Variants in NRG4 observed in about 807,000 individuals in gnomAD.
The protein encoded by NRG4 is neuregulin 4.
A neutral mutation model predicts 15.0 loss-of-function variants in NRG4; 10 were observed. That is an observed-to-expected ratio of 0.67 (90% CI 0.41 to 1.13). The LOEUF (loss-of-function observed/expected upper bound fraction) is 1.13, where lower values mean the gene tolerates loss of function less well. Ranked by LOEUF, NRG4 falls within the 50% of genes most tolerant of loss-of-function variation. NRG4 has a pLI of 0.00. For missense variants in NRG4, 139 were observed against 140.2 expected, an observed-to-expected ratio of 0.99 and a Z score of 0.04; for synonymous variants, 41 against 50.1, an observed-to-expected ratio of 0.82 and a Z score of 0.77.
downstream of NRG4, chr15:75,940,456 T>G (rs2030831869): frequency 6.7e-6 from 1 of 149,730 alleles, no homozygotes; most frequent in Admixed American, 6.6e-5. Context: ...TCCTAGGATT[T>G]TTTTTTTTTT....
chr15:75,969,770 C>T (rs2033008581), intron 3 of NRG4, among the ~76,000 whole-genome samples: 1 of 152,106 alleles, frequency 6.6e-6, no homozygotes, highest in Non-Finnish European at 1.5e-5. Flanking sequence ...GCTGAGAACA[C>T]TAATGAAGAA....
At chr15:76,044,160 G>T (rs2035811032) in intron 4 of NRG4, among the ~76,000 whole-genome samples, 1 of 149,134 alleles carries the variant, frequency 6.7e-6, no homozygotes, top group Admixed American at 6.6e-5. Flanking sequence ...ACCGCGCCCG[G>T]CTAATTTTTT....
At chr15:76,045,864 T>C (rs2035857829) in intron 4 of NRG4, among the ~76,000 whole-genome samples, 1 of 150,958 alleles carries the variant, frequency 6.6e-6, no homozygotes, top group Non-Finnish European at 1.5e-5. Context: ...AGACCTAGTA[T>C]TTGCTAGCAC....
chr15:76,033,080 A>C (rs1366004587), intron 5 of NRG4, among the ~76,000 whole-genome samples: 1 of 152,238 alleles, frequency 6.6e-6, no homozygotes, highest in Non-Finnish European at 1.5e-5. Flanking sequence ...AATTATATTA[A>C]AGTGCAAGTC....
At chr15:75,991,538 G>A (rs2034017645) in intron 3 of NRG4, among the ~76,000 whole-genome samples, 1 of 151,906 alleles carries the variant, frequency 6.6e-6, no homozygotes, top group Admixed American at 6.6e-5. Flanking sequence ...TTAATGGAAT[G>A]TATACAGTTT....
chr15:75,989,514 A>T (rs1318176731), intron 3 of NRG4, among the ~76,000 whole-genome samples: 1 of 152,134 alleles, frequency 6.6e-6, no homozygotes, highest in Non-Finnish European at 1.5e-5. Context: ...TAGTCTGAAA[A>T]AAAAAAATCT....
At chr15:75,986,732 C>T (rs1039018653) in intron 3 of NRG4, among the ~76,000 whole-genome samples, 11 of 152,040 alleles carry the variant, frequency 7.2e-5, no homozygotes, top group African/African-American at 2.7e-4. Context: ...TGAATATTAT[C>T]ATTTTTTGGT....
chr15:75,992,975 C>G (rs2034076277), intron 3 of NRG4, among the ~76,000 whole-genome samples: 1 of 151,196 alleles, frequency 6.6e-6, no homozygotes, highest in African/African-American at 2.4e-5. Flanking sequence ...TGTCTTCATC[C>G]TTGAAGGATA....
intron 3 of NRG4, among the ~76,000 whole-genome samples, chr15:75,983,089 T>C (rs2033663762): frequency 6.6e-6 from 1 of 151,994 alleles, no homozygotes; most frequent in Non-Finnish European, 1.5e-5. Context: ...TCACCAAGTA[T>C]ACAAAGAACC....
At chr15:76,049,019 G>A (rs1567128412) in intron 4 of NRG4, among the ~76,000 whole-genome samples, 1 of 150,442 alleles carries the variant, frequency 6.6e-6, no homozygotes, top group Non-Finnish European at 1.5e-5. Context: ...ACTCCAGCCT[G>A]GGGGATAGAG....
At chr15:76,036,682 C>A (rs764298965) in intron 4 of NRG4, among the ~76,000 whole-genome samples, 2 of 152,132 alleles carry the variant, frequency 1.3e-5, no homozygotes, top group Non-Finnish European at 2.9e-5. Flanking sequence ...TTAATTTATA[C>A]ATGTAAAATG....
intron 5 of NRG4, among the ~76,000 whole-genome samples, chr15:76,019,408 G>A (rs553238638): frequency 5.9e-5 from 9 of 152,246 alleles, no homozygotes; most frequent in African/African-American, 2.2e-4. Flanking sequence ...CTAGCTCGGT[G>A]TCTGCCCAAA....
intron 3 of NRG4, among the ~76,000 whole-genome samples, chr15:76,052,638 T>C (rs974562410): frequency 6.6e-6 from 1 of 151,144 alleles, no homozygotes; most frequent in Non-Finnish European, 1.5e-5. Flanking sequence ...AAGGTGGTAG[T>C]CTTTGTGGGA....
intron 5 of NRG4, among the ~76,000 whole-genome samples, chr15:75,951,645 G>A (rs1595946218): frequency 6.6e-6 from 1 of 152,048 alleles, no homozygotes; most frequent in East Asian, 1.9e-4. Flanking sequence ...ATACACTTTT[G>A]ACTTATTACA....
At chr15:76,012,156 A>T (rs943543534) in intron 1 of NRG4, 163 bp downstream of exon 1, 1 of 152,000 alleles carries the variant, frequency 6.6e-6, no homozygotes, top group African/African-American at 2.4e-5. Context: ...TCTTTCTTAG[A>T]CAAGCAGAGA....
chr15:75,994,985 T>C lies in NRG4; in HGVS notation c.104+14215A>G, dbSNP rs190406791. ...GCCCAGTCTTGACAACATAGGAAGT[T>C]CAAGTCCAGTCTGGACAACATAGGA... On this transcript the variant is annotated intron_variant, in intron 3 of 5. Coordinates refer to ENST00000394907, the MANE Select transcript of NRG4 (RefSeq NM_138573.4). Among the ~76,000 whole-genome samples the C allele has an allele frequency of 1.9e-3, 291 of 152,022 alleles. 6 individuals carry two copies. Among genetic ancestry groups the C allele is most frequent in the African/African-American group, 6.4e-3 (266 of 41,478 alleles).
At chr15:76,047,984 T>C (rs1596061561) in intron 4 of NRG4, among the ~76,000 whole-genome samples, 1 of 148,110 alleles carries the variant, frequency 6.8e-6, no homozygotes, top group East Asian at 2.0e-4. Context: ...AGTGAGACCA[T>C]GTGTCCAAAA....
chr15:76,043,479 T>C (rs1246301643), intron 4 of NRG4, among the ~76,000 whole-genome samples: 1 of 152,140 alleles, frequency 6.6e-6, no homozygotes, highest in East Asian at 1.9e-4. Context: ...CAAACAAACA[T>C]TAGTAGCATT....
chr15:75,970,383 C>A (rs2141831252), intron 3 of NRG4, among the ~76,000 whole-genome samples: 1 of 152,342 alleles, frequency 6.6e-6, no homozygotes, highest in Admixed American at 6.5e-5. Flanking sequence ...TCCTAAACTG[C>A]TTCTCTTAAA....
Sources: allele counts gnomAD v4.1 joint callset (sites outside exome capture counted in the v4.1 genomes callset), GRCh38; gene constraint gnomAD v4.1.1; transcripts MANE v1.5; gene names NCBI Gene and HGNC (gene_info 2026-07-23, HGNC 2026-07-21).